The following VWA2 variants were observed in gnomAD, a reference collection of about 807,000 sequenced individuals.
VWA2 encodes the protein von Willebrand factor A domain-containing protein 2.
In VWA2, 73 loss-of-function variants were observed where a neutral mutation model predicts 70.4. The ratio of observed to expected loss-of-function variants is 1.04; its 90% CI spans 0.86 to 1.26. VWA2 has a LOEUF of 1.26. Among genes scored for constraint, VWA2 ranks in the 50% most tolerant of loss-of-function variants. VWA2 has a pLI of 0.00. For missense variants in VWA2, 1,011 were observed against 998.5 expected, an observed-to-expected ratio of 1.01 and a Z score of -0.17; for synonymous variants, 407 against 423.3, an observed-to-expected ratio of 0.96 and a Z score of 0.47.
chr10:114,282,935 T>C (rs979251529), intron 9 of VWA2, among the ~76,000 whole-genome samples: 1 of 152,220 alleles, frequency 6.6e-6, no homozygotes, highest in Non-Finnish European at 1.5e-5. Context: ...GTCCGATGTC[T>C]GGAAGCCCAT....
intron 4 of VWA2, among the ~76,000 whole-genome samples, chr10:114,259,649 C>T (rs1351231585): frequency 2.6e-5 from 4 of 152,078 alleles, no homozygotes; most frequent in Non-Finnish European, 5.9e-5. Context: ...TGCAGTTTAT[C>T]CTTTATTTTT....
intron 4 of VWA2, among the ~76,000 whole-genome samples, chr10:114,257,491 C>T (rs1472011828): frequency 6.6e-6 from 1 of 152,124 alleles, no homozygotes; most frequent in Non-Finnish European, 1.5e-5. Context: ...ATGCATGTTT[C>T]ACAGATGAGG....
Position 114,278,869 on chromosome 10 carries a change from G to A in VWA2, c.833+18G>A, listed in dbSNP as rs1160221629. The A allele has an allele frequency of 9.9e-6, 16 of 1,611,738 alleles. No homozygotes were observed. Among genetic ancestry groups the A allele is most frequent in the African/African-American group, 1.3e-5 (1 of 74,880 alleles). ...TTCTACAGGTTTGTCTGCGCGGTCT[G>A]GGCTCGGCCTGGGTGGAGATGAAGG... On this transcript the variant is annotated intron_variant, in intron 8 of 13. Coordinates refer to ENST00000392982, the MANE Select transcript of VWA2 (RefSeq NM_001272046.2).
At position 114,281,930 on chromosome 10, in the gene VWA2, T is replaced by C. The variant is rs12264296; in HGVS notation, c.834-586T>C. Among the ~76,000 whole-genome samples, 914 of 152,118 alleles carry C rather than the reference T, an allele frequency of 6.0e-3. 13 individuals are homozygous for C. Among genetic ancestry groups the C allele is most frequent in the African/African-American group, 0.021 (876 of 41,512 alleles). ...CTACTGCATCGTAAGCCTCAGAAAGTAACTTATAATAAAAAGCTGTTGCTA... is the reference window on the plus strand; with the variant it reads ...CTACTGCATCGTAAGCCTCAGAAAGCAACTTATAATAAAAAGCTGTTGCTA... On this transcript the variant is annotated intron_variant, in intron 8 of 13. Transcript: ENST00000392982.
intron 8 of VWA2, chr10:114,280,615 T>C (rs2038034908): frequency 6.6e-6 from 1 of 152,144 alleles, no homozygotes; most frequent in African/African-American, 2.4e-5. Context: ...GAAGCCTAAA[T>C]CAGGGAGGGG....
chr10:114,245,877 ATAGT>A (rs1192967724), intron 1 of VWA2, among the ~76,000 whole-genome samples: 1 of 152,200 alleles, frequency 6.6e-6, no homozygotes, highest in Non-Finnish European at 1.5e-5. Context: ...TTGTTTTATA[ATAGT>A]TTGTTTTAGG....
chr10:114,277,654 A>G (rs1239458967), intron 6 of VWA2, among the ~76,000 whole-genome samples: 2 of 152,134 alleles, frequency 1.3e-5, no homozygotes, highest in Admixed American at 1.3e-4. Flanking sequence ...CTGGCCTTGG[A>G]GTTCTTACGT....
intron 4 of VWA2, among the ~76,000 whole-genome samples, chr10:114,260,473 A>G (rs1003858499): frequency 2.6e-5 from 4 of 152,186 alleles, no homozygotes; most frequent in Non-Finnish European, 5.9e-5. Flanking sequence ...TGGCAGGGGC[A>G]GGTCTGGCGG....
intron 2 of VWA2, among the ~76,000 whole-genome samples, chr10:114,250,576 G>T (rs914189157): frequency 6.6e-6 from 1 of 152,162 alleles, no homozygotes; most frequent in Admixed American, 6.5e-5. Context: ...GTAGGTATTT[G>T]TTCTCTGCTG....
intron 9 of VWA2, 42 bp from the exon 10 acceptor site, chr10:114,284,821 T>C: frequency 6.4e-7 from 1 of 1,553,398 alleles, no homozygotes; most frequent in Non-Finnish European, 8.7e-7. Context: ...TCCACTCCTC[T>C]GTGCTGCGGT....
At chr10:114,255,457 G>T (rs1004229402) in intron 4 of VWA2, among the ~76,000 whole-genome samples, 4 of 152,168 alleles carry the variant, frequency 2.6e-5, no homozygotes, top group Non-Finnish European at 5.9e-5. Context: ...TAGTCAGAGG[G>T]AAGAGAGTTT....
At chr10:114,243,496 T>G (rs892264662) in intron 1 of VWA2, among the ~76,000 whole-genome samples, 2 of 152,190 alleles carry the variant, frequency 1.3e-5, no homozygotes, top group African/African-American at 4.8e-5. Flanking sequence ...ACCGGATATT[T>G]TTACCTCTGA....
chr10:114,248,261 G>T (rs1183959939), intron 1 of VWA2, among the ~76,000 whole-genome samples: 1 of 152,210 alleles, frequency 6.6e-6, no homozygotes, highest in East Asian at 1.9e-4. Flanking sequence ...GGTTTCAGAA[G>T]ATGAGGACAT....
intron 3 of VWA2, among the ~76,000 whole-genome samples, chr10:114,254,683 G>T (rs2037282290): frequency 6.6e-6 from 1 of 152,134 alleles, no homozygotes; most frequent in African/African-American, 2.4e-5. Context: ...GTTGAACTAG[G>T]TTCTTCCATT....
intron 5 of VWA2, among the ~76,000 whole-genome samples, chr10:114,262,428 C>T (rs977128861): frequency 1.3e-5 from 2 of 151,756 alleles, no homozygotes; most frequent in East Asian, 1.9e-4. Flanking sequence ...CTTCACAAGC[C>T]CTCATAGAAT....
At chr10:114,273,132 T>A (rs548686281) in intron 6 of VWA2, among the ~76,000 whole-genome samples, 198 bp downstream of exon 6, 30 of 152,326 alleles carry the variant, frequency 2.0e-4, no homozygotes, top group Middle Eastern at 3.4e-3. Flanking sequence ...TTGATTTTGG[T>A]TTTGTTTGAA....
chr10:114,263,091 C>G lies in VWA2; in HGVS notation c.371+1796C>G, dbSNP rs943077944. On this transcript the variant is annotated intron_variant, in intron 5 of 13. Coordinates refer to ENST00000392982, the MANE Select transcript of VWA2 (RefSeq NM_001272046.2). ...AGTGCAGTGGTGCTATATTGGCTCA[C>G]TGCAACCTCCACCTCCCAGGCTCAA... Among the ~76,000 whole-genome samples, 4 of 152,208 alleles carry G rather than the reference C, an allele frequency of 2.6e-5. No homozygotes were observed. The South Asian group carries it at 8.3e-4, about 32-fold the overall frequency.
chr10:114,286,232 G>A lies in VWA2; in HGVS notation c.1291G>A (p.Glu431Lys), dbSNP rs779050614. 17 of 1,613,330 alleles carry A rather than the reference G, an allele frequency of 1.1e-5. No individual in the cohort carries two copies. The Admixed American group carries it at 1.7e-4, about 16-fold the overall frequency. Residue 431 changes from glutamate (E) to lysine (K), a missense_variant, in exon 11 of 14, where the codon GAG becomes AAG. Physicochemically the swap from Glu to Lys is moderately conservative, Grantham distance 56. Coordinates refer to ENST00000392982, the MANE Select transcript of VWA2 (RefSeq NM_001272046.2). Reference sequence around the variant, plus strand: ...GGGCAGTGCCTTGCGGCAGGCGGCAGAGCGTGGCTTCGGGAGCGCCACCAG... The same window carrying A: ...GGGCAGTGCCTTGCGGCAGGCGGCAAAGCGTGGCTTCGGGAGCGCCACCAG... Reference protein sequence around the residue: ...LTGSALRQAAERGFGSATRTG... With the variant: ...LTGSALRQAAKRGFGSATRTG...
chr10:114,251,898 T>G (rs2037204535), intron 2 of VWA2, among the ~76,000 whole-genome samples: 1 of 149,958 alleles, frequency 6.7e-6, no homozygotes. Flanking sequence ...CTTGGCTCAC[T>G]GCAACCTCCG....
Sources: gnomAD v4.1 joint callset for allele counts (sites outside exome capture counted in the v4.1 genomes callset) on GRCh38, gnomAD v4.1.1 for gene constraint, MANE v1.5 for transcripts, NCBI Gene and HGNC (gene_info 2026-07-23, HGNC 2026-07-21) for gene names.